Variants in SGMS1 observed in about 807,000 individuals in gnomAD.
SGMS1 encodes the protein sphingomyelin synthase 1.
SGMS1 carries 13 observed loss-of-function variants against 46.2 expected under a neutral mutation model. The ratio of observed to expected loss-of-function variants is 0.28; its 90% confidence interval spans 0.18 to 0.45. The LOEUF is 0.45. Ranked by LOEUF, SGMS1 falls within the 20% of genes least tolerant of loss-of-function variation. The pLI is 1.00. For synonymous variants in SGMS1, 203 were observed against 187.8 expected, an observed-to-expected ratio of 1.08 and a Z score of -0.66; for missense variants, 324 against 519.9, an observed-to-expected ratio of 0.62 and a Z score of 3.66.
At chr10:50,530,524 C>T (rs1259440335) in intron 2 of SGMS1, among the ~76,000 whole-genome samples, 2 of 152,160 alleles carry the variant, frequency 1.3e-5, no homozygotes, top group African/African-American at 2.4e-5. Flanking sequence ...ACTGTGTCGC[C>T]CAGGCTTGAG....
chr10:50,502,251 T>C (rs1379605211), intron 3 of SGMS1, among the ~76,000 whole-genome samples: 2 of 150,346 alleles, frequency 1.3e-5, no homozygotes, highest in African/African-American at 4.9e-5. Context: ...AAGATGACTC[T>C]TGAATTTCCA....
At chr10:50,485,810 G>C (rs1036398314) in intron 3 of SGMS1, among the ~76,000 whole-genome samples, 12 of 152,118 alleles carry the variant, frequency 7.9e-5, no homozygotes, top group African/African-American at 2.9e-4. Context: ...TGAGGCATGA[G>C]AATCACTTGA....
chr10:50,436,669 A>G (rs1394141782), intron 5 of SGMS1, among the ~76,000 whole-genome samples: 1 of 152,154 alleles, frequency 6.6e-6, no homozygotes, highest in Non-Finnish European at 1.5e-5. Context: ...CTGAATGTTC[A>G]CTTTACACTC....
intron 5 of SGMS1, among the ~76,000 whole-genome samples, chr10:50,457,248 A>G (rs1837203290): frequency 6.6e-6 from 1 of 152,234 alleles, no homozygotes; most frequent in Non-Finnish European, 1.5e-5. Context: ...TGCATTTTAA[A>G]AAAGGCATAC....
intron 5 of SGMS1, among the ~76,000 whole-genome samples, chr10:50,449,894 A>G (rs1200193811): frequency 6.6e-6 from 1 of 152,030 alleles, no homozygotes; most frequent in Admixed American, 6.6e-5. Flanking sequence ...CTCACTGCCT[A>G]AAATGTCTAA....
chr10:50,535,051 T>C (rs952463845), intron 2 of SGMS1, among the ~76,000 whole-genome samples: 1 of 152,118 alleles, frequency 6.6e-6, no homozygotes, highest in Non-Finnish European at 1.5e-5. Context: ...CTGGCCAACA[T>C]GGTGAAACCG....
At position 50,563,524 on chromosome 10, in the gene SGMS1, A is replaced by G. The variant is rs895027087; in HGVS notation, c.-589+26629T>C. Among the ~76,000 whole-genome samples, 51 of 152,008 alleles carry G rather than the reference A, an allele frequency of 3.4e-4. No homozygotes were observed. The South Asian group carries it at 3.5e-3, about 11-fold the overall frequency. ...TTTGGGAGGCCGAGGCGGGCGGATCACGAGGTCAGGAGATCGAGACCATCC... is the reference window on the plus strand; with the variant it reads ...TTTGGGAGGCCGAGGCGGGCGGATCGCGAGGTCAGGAGATCGAGACCATCC... On this transcript the variant is annotated intron_variant, in intron 2 of 10. Transcript: ENST00000361781.
intron 1 of SGMS1, among the ~76,000 whole-genome samples, chr10:50,605,852 A>T (rs74351353): frequency 0.029 from 4,415 of 152,270 alleles, 98 homozygotes; most frequent in Non-Finnish European, 0.041. Context: ...TCCCTCAAAT[A>T]ATATACATCA....
intron 3 of SGMS1, among the ~76,000 whole-genome samples, chr10:50,505,747 G>A (rs1296333115): frequency 2.0e-5 from 3 of 152,134 alleles, no homozygotes; most frequent in African/African-American, 7.2e-5. Context: ...TGAGCCCAAG[G>A]GTGCAGGGAT....
At chr10:50,511,903 C>G (rs1420474332) in intron 3 of SGMS1, among the ~76,000 whole-genome samples, 1 of 152,214 alleles carries the variant, frequency 6.6e-6, no homozygotes, top group Non-Finnish European at 1.5e-5. Context: ...TGTCCCATGT[C>G]TCTCTCTCCA....
chr10:50,463,388 T>C (rs10826032), intron 4 of SGMS1, among the ~76,000 whole-genome samples: 20,057 of 152,144 alleles, frequency 0.13, 1,435 homozygotes, highest in Middle Eastern at 0.22. Context: ...AAAGAAGATA[T>C]ACAAATGGTC....
chr10:50,314,486 AT>A (rs1419221736), intron 8 of SGMS1, among the ~76,000 whole-genome samples: 1 of 152,204 alleles, frequency 6.6e-6, no homozygotes, highest in African/African-American at 2.4e-5. Flanking sequence ...CACTGGCAAA[AT>A]CTTCTGAGAA....
chr10:50,357,473 CA>C (rs1393476360), intron 6 of SGMS1, among the ~76,000 whole-genome samples: 1 of 152,134 alleles, frequency 6.6e-6, no homozygotes, highest in African/African-American at 2.4e-5. Flanking sequence ...TCACACTGAA[CA>C]TAAGTTTTCA....
chr10:50,381,483 G>A lies in SGMS1; in HGVS notation c.-231-37138C>T, dbSNP rs147885465. Among the ~76,000 whole-genome samples the A allele has an allele frequency of 8.1e-4, 123 of 152,206 alleles. No individual in the cohort carries two copies. The East Asian group carries it at 0.011, about 14-fold the overall frequency. ...GGAGATGAGAAAAAAAAATCCTTTC[G>A]TGAATTTTCTCTATCACTATTATTC... On this transcript the variant is annotated intron_variant, in intron 6 of 10. Transcript: ENST00000361781.
At chr10:50,619,225 T>A (rs1025515097) in intron 1 of SGMS1, among the ~76,000 whole-genome samples, 2 of 151,612 alleles carry the variant, frequency 1.3e-5, no homozygotes, top group African/African-American at 4.9e-5. Context: ...ATTAGGGAAA[T>A]GGGTAAGTAA....
At chr10:50,561,563 A>G (rs1217191829) in intron 2 of SGMS1, among the ~76,000 whole-genome samples, 5 of 152,236 alleles carry the variant, frequency 3.3e-5, no homozygotes, top group Non-Finnish European at 5.9e-5. Context: ...TTCGCAAGTA[A>G]CAAATCCTTA....
intron 3 of SGMS1, among the ~76,000 whole-genome samples, chr10:50,489,120 C>T (rs1837547225): frequency 6.6e-6 from 1 of 152,160 alleles, no homozygotes; most frequent in African/African-American, 2.4e-5. Context: ...CAATACTAAC[C>T]TCTAGCCCTG....
At chr10:50,486,198 AC>A (rs1216762605) in intron 3 of SGMS1, among the ~76,000 whole-genome samples, 1 of 152,198 alleles carries the variant, frequency 6.6e-6, no homozygotes, top group African/African-American at 2.4e-5. Flanking sequence ...TAAATGTAAA[AC>A]CCAAAACTAT....
intron 1 of SGMS1, among the ~76,000 whole-genome samples, chr10:50,604,807 A>T (rs1014114190): frequency 5.9e-5 from 9 of 152,048 alleles, no homozygotes; most frequent in African/African-American, 2.2e-4. Flanking sequence ...CCCATCAGTA[A>T]AAAGACCAAG....
Sources: allele counts gnomAD v4.1 joint callset (sites outside exome capture counted in the v4.1 genomes callset), GRCh38; gene constraint gnomAD v4.1.1; transcripts MANE v1.5; gene names NCBI Gene and HGNC (gene_info 2026-07-23, HGNC 2026-07-21).